The following WNT5A variants were observed in gnomAD, a reference collection of about 807,000 sequenced individuals.
The protein encoded by WNT5A is Wnt family member 5A.
In WNT5A, 9 loss-of-function variants were observed where a neutral mutation model predicts 42.1. The ratio of observed to expected loss-of-function variants is 0.21; its 90% confidence interval spans 0.13 to 0.37. The LOEUF is 0.37. Ranked by LOEUF, WNT5A falls within the 10% of genes least tolerant of loss-of-function variation. The pLI is 1.00. For synonymous variants in WNT5A, 210 were observed against 210.0 expected (o/e 1.00, Z 0.00); for missense variants, 426 against 534.0 (o/e 0.80, Z 1.99).
chr3:55,488,675 G>A (rs978583354), upstream of WNT5A, among the ~76,000 whole-genome samples: 15 of 152,046 alleles, frequency 9.9e-5, no homozygotes, highest in Non-Finnish European at 1.9e-4. Context: ...TGCTGAAAGA[G>A]AGAGGTCCAC....
At chr3:55,493,150 A>C (rs1158970366), upstream of WNT5A, among the ~76,000 whole-genome samples, 1 of 152,140 alleles carries the variant, frequency 6.6e-6, no homozygotes, top group Non-Finnish European at 1.5e-5. Context: ...TTCTCTCTGG[A>C]AAGAGCTTGT....
rs764139113 is a variant in WNT5A at position 55,486,955 on chromosome 3, A to C, written c.6+25T>G. ...GGGGGTGGGGGGAAGTAAAGAAAAA[A>C]AGTGGCAGCGCACTGAACACCTACC... On this transcript the variant is annotated intron_variant, in intron 1 of 4. Coordinates refer to ENST00000264634, the MANE Select transcript of WNT5A (RefSeq NM_003392.7). The C allele has an allele frequency of 4.4e-6, 7 of 1,606,956 alleles. 1 individual carries two copies. In the South Asian group the frequency reaches 4.4e-5, roughly 10 times the overall value.
At chr3:55,476,327 G>A (rs1040221212) in intron 3 of WNT5A, among the ~76,000 whole-genome samples, 1 of 152,214 alleles carries the variant, frequency 6.6e-6, no homozygotes, top group African/African-American at 2.4e-5. Flanking sequence ...TGGTTGGCAG[G>A]AGGATCTAGA....
upstream of WNT5A, among the ~76,000 whole-genome samples, chr3:55,494,706 T>G (rs2051696891): frequency 6.6e-6 from 1 of 152,152 alleles, no homozygotes; most frequent in Non-Finnish European, 1.5e-5. Context: ...GCCTGGCTAA[T>G]TTTTGCATTT....
At position 55,470,336 on chromosome 3, in the gene WNT5A, A is replaced by C; in HGVS notation, c.899T>G (p.Val300Gly). 1 of 1,614,034 alleles carries C rather than the reference A, an allele frequency of 6.2e-7. No homozygotes were observed. The highest frequency in any genetic ancestry group is 8.5e-7 in the Non-Finnish European group (1 of 1,179,894). Residue 300 changes from valine to glycine, a missense_variant, in exon 5 of 5, where the codon GTC becomes GGC. Coordinates refer to ENST00000264634, the MANE Select transcript of WNT5A (RefSeq NM_003392.7). ...RFNSPTTQDL[V>G]YIDPSPDYCV... ...GTAGTCAGGGCTGGGGTCGATGTAG[A>C]CCAGGTCTTGTGTGGTGGGCGAGTT...
At chr3:55,501,628 A>T in the WNT5A span, 1 of 152,244 alleles carries the variant, frequency 6.6e-6, no homozygotes, top group Non-Finnish European at 1.5e-5. Context: ...CGTCAGTCAA[A>T]TACCCTTTAC....
chr3:55,500,214 G>T, the WNT5A span, among the ~76,000 whole-genome samples: 1 of 152,134 alleles, frequency 6.6e-6, no homozygotes, highest in Admixed American at 6.5e-5. Context: ...TACCCTGCAG[G>T]ATTGCACCTG....
rs750646727 is a variant in WNT5A, at chr3:55,479,428, T to C, written c.277A>G (p.Ile93Val). 28 of 1,613,936 alleles carry C rather than the reference T, an allele frequency of 1.7e-5. No individual in the cohort carries two copies. The highest frequency in any genetic ancestry group is 1.3e-4 in the Admixed American group (8 of 60,014). The change falls in exon 3 of 5, where the codon ATC (isoleucine) becomes GTC (valine). Residue 93 changes from isoleucine to valine, a missense_variant. Around this residue, in one of 3 missense-constraint regions of WNT5A, gnomAD observed 358 missense variants for 468.1 expected, o/e 0.76. Coordinates refer to ENST00000264634, the MANE Select transcript of WNT5A (RefSeq NM_003392.7). ...ATGCCTGTCTTCGCGCCTTCTCCGA[T>C]GTACTGCATGTGGTCCTGATACAAG... The part of the protein sequence containing the change: ...CHLYQDHMQY[I>V]GEGAKTGIKE...
intron 1 of WNT5A, among the ~76,000 whole-genome samples, chr3:55,486,325 C>T (rs1439354704): frequency 1.3e-5 from 2 of 152,180 alleles, no homozygotes; most frequent in East Asian, 1.9e-4. Flanking sequence ...GCTAATAATG[C>T]TAATAACGCG....
In WNT5A at chr3:55,480,803, A is replaced by G. The variant is rs765217843; in HGVS notation, c.122T>C (p.Ile41Thr). 14 of 1,571,628 alleles carry G rather than the reference A, an allele frequency of 8.9e-6. No homozygotes were observed. In the Admixed American group the frequency reaches 2.0e-4, roughly 23 times the overall value. Residue 41 changes from isoleucine (I) to threonine (T), a missense_variant, in exon 2 of 5, where the codon ATT becomes ACT. Physicochemically the swap from Ile to Thr is moderately conservative, Grantham distance 89. Coordinates refer to ENST00000264634, the MANE Select transcript of WNT5A (RefSeq NM_003392.7). ...AACTTACCACCAAGAATTGGCTTCAATTACAACCTGGGCGAAGGAGAAAAA... is the reference window on the plus strand; with the variant it reads ...AACTTACCACCAAGAATTGGCTTCAGTTACAACCTGGGCGAAGGAGAAAAA... ...AIFFSFAQVV[I>T]EANSWWSLGM...
intron 4 of WNT5A, among the ~76,000 whole-genome samples, chr3:55,474,118 G>C (rs2051302608): frequency 6.6e-6 from 1 of 152,046 alleles, no homozygotes; most frequent in African/African-American, 2.4e-5. Flanking sequence ...AAGGGAAGAG[G>C]GAGAAAGAAA....
chr3:55,482,385 C>T (rs1257071848), intron 1 of WNT5A, among the ~76,000 whole-genome samples: 1 of 152,184 alleles, frequency 6.6e-6, no homozygotes, highest in African/African-American at 2.4e-5. Flanking sequence ...GTAAGTCTAA[C>T]CCTGCCGCAC....
At position 55,466,296 on chromosome 3, in the gene WNT5A, T is replaced by C. The variant is rs1178494753; in HGVS notation, c.*3796A>G. The stretch of plus-strand genomic sequence containing the variant: ...CTTCAAGTTATAACTACCTTTTCTA[T>C]CTCTCTATATATTGTGGGCCACTAA... On this transcript the variant is annotated 3_prime_UTR_variant, in exon 5 of 5. Transcript: ENST00000264634. 6.6e-6 allele frequency: 1 copy of C among 152,224 alleles called. No homozygotes were observed. Among genetic ancestry groups the C allele is most frequent in the African/African-American group, 2.4e-5 (1 of 41,460 alleles). 9.4% of individuals were successfully genotyped at this position (152,224 alleles called of 1,614,324 possible).
chr3:55,500,258 CAGAAAA>C, the WNT5A span, among the ~76,000 whole-genome samples: 1 of 152,148 alleles, frequency 6.6e-6, no homozygotes, highest in African/African-American at 2.4e-5. Context: ...TCAGTATTGA[CAGAAAA>C]ATATACTATG....
At chr3:55,503,912 G>A in the WNT5A span, among the ~76,000 whole-genome samples, 2 of 152,202 alleles carry the variant, frequency 1.3e-5, no homozygotes, top group Admixed American at 6.5e-5. Context: ...TTGCACTACT[G>A]CACTCCAGCT....
chr3:55,470,979 C>T (rs1260318647), intron 4 of WNT5A, among the ~76,000 whole-genome samples: 1 of 152,086 alleles, frequency 6.6e-6, no homozygotes, highest in Non-Finnish European at 1.5e-5. Flanking sequence ...GAGAGATGAG[C>T]CACTCACCCA....
At chr3:55,503,024 C>T in the WNT5A span, among the ~76,000 whole-genome samples, 24,552 of 152,200 alleles carry the variant, frequency 0.16, 2,448 homozygotes, top group Non-Finnish European at 0.23. Context: ...CTCTTGCTCT[C>T]AACTTGAGTT....
At chr3:55,495,501 C>T (rs1226542447), upstream of WNT5A, among the ~76,000 whole-genome samples, 2 of 152,174 alleles carry the variant, frequency 1.3e-5, no homozygotes, top group African/African-American at 2.4e-5. Context: ...TTCATGTTGT[C>T]TCAAATGATA....
intron 3 of WNT5A, among the ~76,000 whole-genome samples, chr3:55,476,049 A>C (rs1375614266): frequency 6.6e-6 from 1 of 152,178 alleles, no homozygotes; most frequent in Non-Finnish European, 1.5e-5. Context: ...AGTTTATCCT[A>C]TACTTACTTT....
Sources: allele counts gnomAD v4.1 joint callset (sites outside exome capture counted in the v4.1 genomes callset), GRCh38; gene constraint gnomAD v4.1.1; regional missense constraint gnomAD v4.1.1; transcripts MANE v1.5; gene names NCBI Gene and HGNC (gene_info 2026-07-23, HGNC 2026-07-21).